The following GTF3C2 variants were observed in gnomAD, a reference collection of about 807,000 sequenced individuals.
The protein encoded by GTF3C2 is general transcription factor IIIC subunit 2.
Under a neutral mutation model 117.4 loss-of-function variants are expected in GTF3C2, and 17 were observed. The observed-to-expected ratio is 0.14, with a 90% CI of 0.10 to 0.22. GTF3C2 has a LOEUF of 0.22. GTF3C2 is among the 10% of genes least tolerant of loss of function. GTF3C2 has a pLI of 1.00. For synonymous variants in GTF3C2, 437 were observed against 427.0 expected (o/e 1.02, Z -0.29); for missense variants, 888 against 1,143.6 (o/e 0.78, Z 3.22).
At chr2:27,344,843 G>A (rs948657774) in intron 1 of GTF3C2, among the ~76,000 whole-genome samples, 5 of 151,978 alleles carry the variant, frequency 3.3e-5, no homozygotes, top group Non-Finnish European at 7.4e-5. Context: ...AAGTTAGCCG[G>A]GCATGGTGGT....
chr2:27,328,581 C>A, exon 16 of GTF3C2: 1 of 1,611,420 alleles, frequency 6.2e-7, no homozygotes, highest in South Asian at 1.1e-5. Flanking sequence ...CCAAGCCAGT[C>A]GGATCCTGAA....
At chr2:27,330,411 G>A (rs747196793) in intron 12 of GTF3C2, among the ~76,000 whole-genome samples, 3 of 151,538 alleles carry the variant, frequency 2.0e-5, no homozygotes, top group Non-Finnish European at 4.4e-5. Flanking sequence ...GCAGTAAGCC[G>A]AGATCACGCC....
At chr2:27,333,011 G>A (rs1680332456) in intron 12 of GTF3C2, among the ~76,000 whole-genome samples, 1 of 151,964 alleles carries the variant, frequency 6.6e-6, no homozygotes, top group Non-Finnish European at 1.5e-5. Context: ...ACTGCACCCG[G>A]CAAAATTTTA....
At position 27,343,388 on chromosome 2, in the gene GTF3C2, G is replaced by A. The variant is rs761045710; in HGVS notation, c.167C>T (p.Pro56Leu). Residue 56 changes from proline to leucine, a missense_variant, in exon 2 of 19, where the codon CCT becomes CTT. By Grantham distance (98) the Pro-to-Leu change is moderately conservative. Coordinates refer to ENST00000264720, the Ensembl canonical transcript of GTF3C2. ...AGGAGAATCCTCAAATCCAGGCAAA[G>A]GGGTAGGTAATGACATCTCTACGGA... 15 of 1,613,902 alleles carry A rather than the reference G, an allele frequency of 9.3e-6. No individual in the cohort carries two copies. In the East Asian group the frequency reaches 3.3e-4, roughly 36 times the overall value.
intron 1 of GTF3C2, among the ~76,000 whole-genome samples, chr2:27,349,661 C>T (rs1368004877): frequency 2.7e-5 from 4 of 150,280 alleles, no homozygotes; most frequent in South Asian, 2.1e-4. Context: ...TTTTTTGAGA[C>T]GGAGCCTCTC....
At chr2:27,328,729 G>T in intron 15 of GTF3C2, 115 bp downstream of exon 15, 1 of 1,054,274 alleles carries the variant, frequency 9.5e-7, no homozygotes, top group Non-Finnish European at 1.4e-6. Context: ...TGATGATAGA[G>T]TTACAACATC....
chr2:27,333,699 A>T, exon 12 of GTF3C2: 1 of 1,608,918 alleles, frequency 6.2e-7, no homozygotes, highest in African/African-American at 1.3e-5. Context: ...CCTGGTAGGC[A>T]TCCAGGCCAG....
chr2:27,347,378 A>C (rs1680954854), intron 1 of GTF3C2, among the ~76,000 whole-genome samples: 1 of 152,220 alleles, frequency 6.6e-6, no homozygotes, highest in African/African-American at 2.4e-5. Flanking sequence ...CAGATTATAA[A>C]CTATAGCAAT....
intron 1 of GTF3C2, among the ~76,000 whole-genome samples, chr2:27,347,690 A>T (rs1338974063): frequency 7.9e-5 from 12 of 152,226 alleles, no homozygotes; most frequent in Non-Finnish European, 4.4e-5. Flanking sequence ...ATGGATTGTG[A>T]AATCCAAGAG....
rs1317602520 is a variant in GTF3C2 at position 27,336,045 on chromosome 2, T to C, written c.1356-17A>G. ...TTGCCAGGACTGGAGAGAGAGAGCA[T>C]GTGGGGATGGTGGGTAGGAAGAAGG... On this transcript the variant is annotated splice_polypyrimidine_tract_variant and intron_variant, in intron 8 of 18. Coordinates refer to ENST00000264720, the Ensembl canonical transcript of GTF3C2. 2.4e-5 allele frequency: 37 copies of C among 1,544,572 alleles called. No homozygotes were observed. Among genetic ancestry groups the C allele is most frequent in the Non-Finnish European group, 3.1e-5 (35 of 1,116,682 alleles).
intron 1 of GTF3C2, among the ~76,000 whole-genome samples, chr2:27,351,168 C>T (rs1258583049): frequency 2.0e-5 from 3 of 151,950 alleles, no homozygotes; most frequent in Non-Finnish European, 4.4e-5. Flanking sequence ...TCCTAGCACT[C>T]TGGGAGGCTG....
intron 1 of GTF3C2, among the ~76,000 whole-genome samples, chr2:27,349,390 G>A (rs940857775): frequency 1.3e-5 from 2 of 151,502 alleles, no homozygotes; most frequent in East Asian, 3.9e-4. Flanking sequence ...CTCGTGATCC[G>A]CCCGCCGCGG....
At position 27,329,870 on chromosome 2, in the gene GTF3C2, G is replaced by A. The variant is rs1380472199; in HGVS notation, c.1733-347C>T. ...TTTAAAAAGCATAGGTGGGGCACAC[G>A]GTGGCTCATGCCTGTAATCTCAACA... On this transcript the variant is annotated intron_variant, in intron 12 of 18. Coordinates refer to ENST00000264720, the Ensembl canonical transcript of GTF3C2. This position sits in a 1 kb window ranked among gnomAD's most constrained non-coding sequence, Gnocchi z 4.5. 2.0e-5 allele frequency among the ~76,000 whole-genome samples: 3 copies of A among 152,066 alleles called. No individual in the cohort carries two copies. Among genetic ancestry groups the A allele is most frequent in the Non-Finnish European group, 2.9e-5 (2 of 68,006 alleles).
intron 1 of GTF3C2, among the ~76,000 whole-genome samples, chr2:27,353,833 C>G (rs74614122): frequency 6.6e-6 from 1 of 152,074 alleles, no homozygotes; most frequent in Non-Finnish European, 1.5e-5. Context: ...GTGCTCCTCC[C>G]CATCTCAGCC....
At chr2:27,326,593 G>T in exon 19 of GTF3C2, 1 of 1,011,980 alleles carries the variant, frequency 9.9e-7, no homozygotes, top group Non-Finnish European at 1.5e-6. Context: ...GTCCAGGGAA[G>T]GCCCCCAGTT....
intron 5 of GTF3C2, 32 bp downstream of exon 5, chr2:27,337,894 A>G (rs762994399): frequency 1.5e-6 from 2 of 1,322,564 alleles, no homozygotes; most frequent in Non-Finnish European, 2.2e-6. Context: ...CCACCCCTTT[A>G]TTAACCCCAG....
chr2:27,327,525 T>C (rs1330285427), intron 17 of GTF3C2, among the ~76,000 whole-genome samples: 2 of 151,588 alleles, frequency 1.3e-5, no homozygotes, highest in African/African-American at 4.9e-5. Flanking sequence ...GGTTTCACCA[T>C]GTTGGTCAGG....
chr2:27,326,525 TGG>T, exon 19 of GTF3C2: 1 of 627,342 alleles, frequency 1.6e-6, no homozygotes, highest in South Asian at 2.0e-5. Context: ...GTAGAAAGAG[TGG>T]GATCTAAGGA....
At chr2:27,338,424 T>C (rs866112461) in intron 4 of GTF3C2, among the ~76,000 whole-genome samples, 1 of 151,644 alleles carries the variant, frequency 6.6e-6, no homozygotes, top group South Asian at 2.1e-4. Context: ...CCTGTCGTCT[T>C]CTCGCCCCTC....
Sources: gnomAD v4.1 joint callset for allele counts (sites outside exome capture counted in the v4.1 genomes callset) on GRCh38, gnomAD v4.1.1 for gene constraint, Gnocchi (gnomAD v3.1) non-coding constraint, MANE v1.5 for transcripts, NCBI Gene and HGNC (gene_info 2026-07-23, HGNC 2026-07-21) for gene names.